Variants in GTF2H5 observed in about 807,000 individuals in gnomAD.
GTF2H5 encodes the protein general transcription factor IIH subunit 5.
GTF2H5 carries 5 observed loss-of-function variants against 7.1 expected under a neutral mutation model. The observed-to-expected ratio is 0.71, with a 90% CI of 0.37 to 1.49. The LOEUF (loss-of-function observed/expected upper bound fraction) is 1.49, where lower values mean the gene tolerates loss of function less well. Among genes scored for constraint, GTF2H5 ranks in the 40% most tolerant of loss-of-function variants. The pLI, the probability that GTF2H5 is intolerant of heterozygous loss-of-function variation, is 0.03. For missense variants in GTF2H5, 80 were observed against 83.0 expected (o/e 0.96, Z 0.14); for synonymous variants, 30 against 31.7 (o/e 0.95, Z 0.18).
At chr6:158,171,313 C>G (rs1785853005) in intron 2 of GTF2H5, among the ~76,000 whole-genome samples, 2 of 152,200 alleles carry the variant, frequency 1.3e-5, no homozygotes, top group African/African-American at 4.8e-5. Flanking sequence ...TGAACACATA[C>G]TAAGTCTTCA....
At chr6:158,176,555 G>A (rs1220419572) in intron 2 of GTF2H5, among the ~76,000 whole-genome samples, 2 of 152,142 alleles carry the variant, frequency 1.3e-5, no homozygotes, top group South Asian at 2.1e-4. Context: ...ATATACGTAT[G>A]TCTTAGAATT....
Position 158,191,992 on chromosome 6 carries a change from G to T in GTF2H5, c.51G>T (p.Lys17Asn). 6.2e-7 allele frequency: 1 copy of T among 1,613,990 alleles called. No homozygotes were observed. Among genetic ancestry groups the T allele is most frequent in the African/African-American group, 1.3e-5 (1 of 75,058 alleles). ...GVLIECDPAM[K>N]QFLLYLDESN... ...GTCTTTACAGTGATCCTGCCATGAA[G>T]CAGTTTCTGCTGTACTTGGATGAGT... Residue 17 changes from lysine (K) to asparagine (N), a missense_variant, in exon 3 of 3, where the codon AAG (lysine) becomes AAT (asparagine). By Grantham distance (94) the Lys-to-Asn change is moderately conservative (BLOSUM62 0). Transcript: ENST00000607778.
At chr6:158,169,777 ATTGT>A (rs1785816370) in intron 1 of GTF2H5, among the ~76,000 whole-genome samples, 5 of 110,862 alleles carry the variant, frequency 4.5e-5, no homozygotes, top group East Asian at 2.1e-4. Context: ...TATATAATAT[ATTGT>A]ATATTATATA....
At chr6:158,168,430 G>T (rs540359972) in intron 1 of GTF2H5, 35 bp downstream of exon 1, 2 of 152,408 alleles carry the variant, frequency 1.3e-5, no homozygotes, top group African/African-American at 4.8e-5. Context: ...TGGGGAAAGT[G>T]GGGTGTGGGA....
intron 2 of GTF2H5, chr6:158,190,558 A>G: frequency 2.6e-6 from 1 of 383,034 alleles, no homozygotes; most frequent in Admixed American, 4.0e-5. Context: ...TTGTAAGTTA[A>G]ATCATGTCAC....
In GTF2H5 at chr6:158,169,672, T is replaced by TTG. The variant is rs1562469058; in HGVS notation, c.-34-797_-34-796insGT. ...TATATTACATATAATATATTGTATA[T>TTG]TATATAATATATAATATATATTATA... is the stretch of plus-strand genomic sequence containing the variant. On this transcript the variant is annotated intron_variant, in intron 1 of 2. Transcript: ENST00000607778. Among the ~76,000 whole-genome samples, 77 of 51,190 alleles carry TTG rather than the reference T, an allele frequency of 1.5e-3. 8 individuals carry two copies. The highest frequency in any genetic ancestry group is 3.7e-3 in the East Asian group (4 of 1,086). The allele number at this position is 51,190 out of a possible 152,430, so 33.6% of individuals were successfully genotyped here. A position where few individuals can be genotyped will look rare whatever the true frequency, so the allele number is the denominator to read the frequency against.
chr6:158,188,428 T>TA (rs1354077496), intron 2 of GTF2H5, among the ~76,000 whole-genome samples: 2 of 152,226 alleles, frequency 1.3e-5, no homozygotes, highest in African/African-American at 4.8e-5. Context: ...CTCTGTCCTA[T>TA]AGGCCTCATT....
chr6:158,169,913 G>A (rs186640708), intron 1 of GTF2H5, among the ~76,000 whole-genome samples: 244 of 148,556 alleles, frequency 1.6e-3, no homozygotes, highest in African/African-American at 5.8e-3. Context: ...CCAGCTACTC[G>A]GGAGGCTGAG....
intron 2 of GTF2H5, among the ~76,000 whole-genome samples, chr6:158,173,623 G>A (rs1054618925): frequency 1.3e-5 from 2 of 152,200 alleles, no homozygotes; most frequent in African/African-American, 4.8e-5. Context: ...ACCACTCAAG[G>A]ATCTTCTACA....
At chr6:158,190,548 T>C (rs1777009504) in intron 2 of GTF2H5, 1 of 365,326 alleles carries the variant, frequency 2.7e-6, no homozygotes, top group African/African-American at 2.1e-5. Context: ...TTAAGTCAGT[T>C]TGTAAGTTAA....
chr6:158,187,535 A>G (rs552597592), intron 2 of GTF2H5, among the ~76,000 whole-genome samples: 1 of 152,130 alleles, frequency 6.6e-6, no homozygotes, highest in Non-Finnish European at 1.5e-5. Context: ...TATTCCTACA[A>G]AAAGTCTGTT....
At chr6:158,171,820 G>A (rs901288525) in intron 2 of GTF2H5, among the ~76,000 whole-genome samples, 7 of 152,168 alleles carry the variant, frequency 4.6e-5, no homozygotes, top group Admixed American at 2.6e-4. Flanking sequence ...TAGAATGTAC[G>A]TTGATGAGAG....
intron 2 of GTF2H5, chr6:158,190,638 G>A (rs756395814): frequency 1.0e-5 from 5 of 480,204 alleles, no homozygotes; most frequent in East Asian, 5.7e-5. Context: ...AGTAAATCCC[G>A]TGTTAGCATC....
chr6:158,175,518 C>A (rs1404609367), intron 2 of GTF2H5, among the ~76,000 whole-genome samples: 1 of 152,212 alleles, frequency 6.6e-6, no homozygotes, highest in Non-Finnish European at 1.5e-5. Flanking sequence ...AATCCCAACA[C>A]TTCAGGAGGC....
chr6:158,175,148 C>T (rs1167983776), intron 2 of GTF2H5, among the ~76,000 whole-genome samples: 1 of 151,830 alleles, frequency 6.6e-6, no homozygotes, highest in Non-Finnish European at 1.5e-5. Flanking sequence ...GTGATCTCAG[C>T]CAAAATCCCA....
Position 158,190,637 on chromosome 6 carries a change from C to T in GTF2H5, c.36-1340C>T, listed in dbSNP as rs181595710. 9 of 480,158 alleles carry T rather than the reference C, an allele frequency of 1.9e-5. No homozygotes were observed. The East Asian group carries it at 2.3e-4, about 12-fold the overall frequency. The allele number at this position is 480,158 out of a possible 1,614,324, so 29.7% of individuals were successfully genotyped here. On this transcript the variant is annotated intron_variant, in intron 2 of 2. Coordinates refer to ENST00000607778, the MANE Select transcript of GTF2H5 (RefSeq NM_207118.3). ...CTCATCTAGGGATAGAAGTAAATCC[C>T]GTGTTAGCATCAGTTAATACCTGTG...
chr6:158,184,348 A>G (rs1776867585), intron 2 of GTF2H5, among the ~76,000 whole-genome samples: 1 of 152,134 alleles, frequency 6.6e-6, no homozygotes, highest in Non-Finnish European at 1.5e-5. Flanking sequence ...TTTATACATT[A>G]TACATATTTT....
intron 2 of GTF2H5, among the ~76,000 whole-genome samples, chr6:158,176,550 C>T (rs187475572): frequency 9.0e-4 from 137 of 152,140 alleles, no homozygotes; most frequent in African/African-American, 3.2e-3. Context: ...AAAGGATATA[C>T]GTATGTCTTA....
Position 158,168,575 on chromosome 6 carries a change from C to A in GTF2H5, c.-35+180C>A, listed in dbSNP as rs1056015013. Among the ~76,000 whole-genome samples the A allele has an allele frequency of 3.3e-5, 5 of 152,226 alleles. No homozygotes were observed. The South Asian group carries it at 8.3e-4, about 25-fold the overall frequency. On this transcript the variant is annotated intron_variant, in intron 1 of 2. Coordinates refer to ENST00000607778, the MANE Select transcript of GTF2H5 (RefSeq NM_207118.3). ...TGGCGGGGCCGCACGGCAGTCCCCC[C>A]CTCGTTTAATCGTGGGTTTCCTGTG... is the stretch of plus-strand genomic sequence containing the variant.
Sources: allele counts gnomAD v4.1 joint callset (sites outside exome capture counted in the v4.1 genomes callset), GRCh38; gene constraint gnomAD v4.1.1; transcripts MANE v1.5; gene names NCBI Gene and HGNC (gene_info 2026-07-23, HGNC 2026-07-21).